Variants in RARB observed in about 807,000 individuals in gnomAD.
RARB encodes retinoic acid receptor beta.
In RARB, 17 loss-of-function variants were observed where a neutral mutation model predicts 51.9. The ratio of observed to expected loss-of-function variants is 0.33; its 90% CI spans 0.22 to 0.49. The LOEUF is 0.49. Among genes scored for constraint, RARB ranks in the 20% least tolerant of loss-of-function variants. RARB has a pLI of 0.99. For missense variants in RARB, 369 were observed against 550.8 expected (o/e 0.67, Z 3.30); for synonymous variants, 215 against 195.4 (o/e 1.10, Z -0.84).
intron 2 of RARB, among the ~76,000 whole-genome samples, chr3:24,906,727 C>A (rs1300722571): frequency 6.6e-6 from 1 of 151,502 alleles, no homozygotes; most frequent in Non-Finnish European, 1.5e-5. Flanking sequence ...TGCCTGCAAT[C>A]CCACCTACTT....
intron 5 of RARB, among the ~76,000 whole-genome samples, chr3:25,318,940 T>C (rs1252352638): frequency 6.6e-6 from 1 of 152,226 alleles, no homozygotes; most frequent in Non-Finnish European, 1.5e-5. Context: ...CCAGCATAGA[T>C]AGTAACTCAT....
At chr3:24,901,400 ATATATT>A (rs1386036556) in intron 2 of RARB, among the ~76,000 whole-genome samples, 2 of 152,186 alleles carry the variant, frequency 1.3e-5, no homozygotes, top group Non-Finnish European at 2.9e-5. Context: ...GATTTCATCT[ATATATT>A]TATATTTTTT....
At chr3:24,869,456 C>A (rs1400631038) in intron 2 of RARB, among the ~76,000 whole-genome samples, 1 of 151,996 alleles carries the variant, frequency 6.6e-6, no homozygotes. Context: ...ATAATTATAA[C>A]AAGCTTGATG....
intron 2 of RARB, among the ~76,000 whole-genome samples, chr3:24,877,012 C>G (rs1277342423): frequency 3.9e-5 from 6 of 152,060 alleles, no homozygotes; most frequent in African/African-American, 1.2e-4. Context: ...GCTAATAGTA[C>G]AAATTGAAAT....
intron 5 of RARB, among the ~76,000 whole-genome samples, chr3:25,367,867 A>G (rs978875163): frequency 3.3e-5 from 5 of 151,864 alleles, no homozygotes; most frequent in African/African-American, 1.2e-4. Flanking sequence ...TCAATTTCAT[A>G]GGAGAATTTC....
In RARB at chr3:24,912,972, A is replaced by ATTTTTTTTTTTT. The variant is rs71622787; in HGVS notation, c.-380+54222_-380+54223insTTTTTTTTTTTT. Among the ~76,000 whole-genome samples, 42 of 57,640 alleles carry ATTTTTTTTTTTT rather than the reference A, an allele frequency of 7.3e-4. 2 individuals are homozygous for ATTTTTTTTTTTT. The highest frequency in any genetic ancestry group is 5.5e-3 in the Admixed American group (21 of 3,834). The allele number at this position is 57,640 out of a possible 152,430, so 37.8% of individuals were successfully genotyped here. On this transcript the variant is annotated intron_variant, in intron 2 of 11. Coordinates refer to the RARB transcript ENST00000383772. ...GTGGCAATACGCACACAAGGTACTG[A>ATTTTTTTTTTTT]TTCTTTTTTTTTTTTTTTTTTTTTT...
At chr3:25,431,960 A>G (rs1708226914) in intron 1 of RARB, among the ~76,000 whole-genome samples, 1 of 152,158 alleles carries the variant, frequency 6.6e-6, no homozygotes. Flanking sequence ...AAGAAAGACT[A>G]AATAAAGACT....
chr3:25,573,675 G>A (rs1355475160), intron 4 of RARB, among the ~76,000 whole-genome samples: 1 of 152,210 alleles, frequency 6.6e-6, no homozygotes, highest in Non-Finnish European at 1.5e-5. Flanking sequence ...TTAGTTCGGA[G>A]TTGAGCATTT....
chr3:25,397,935 C>G (rs1020717268), intron 5 of RARB, among the ~76,000 whole-genome samples: 3 of 151,392 alleles, frequency 2.0e-5, no homozygotes, highest in Non-Finnish European at 4.4e-5. Flanking sequence ...TCTATATATT[C>G]TTAACTGGTT....
At chr3:25,200,384 C>G (rs1054685805) in intron 5 of RARB, among the ~76,000 whole-genome samples, 1 of 151,844 alleles carries the variant, frequency 6.6e-6, no homozygotes, top group Non-Finnish European at 1.5e-5. Context: ...TTCTCCCATT[C>G]TGTAGGTTGC....
chr3:25,518,382 C>G (rs59322260), intron 3 of RARB, among the ~76,000 whole-genome samples: 6,060 of 152,062 alleles, frequency 0.04, 424 homozygotes, highest in African/African-American at 0.14. Context: ...TTTCTAGATA[C>G]TGATGTTTGA....
At chr3:25,331,121 C>A (rs1704881518) in intron 5 of RARB, among the ~76,000 whole-genome samples, 1 of 152,126 alleles carries the variant, frequency 6.6e-6, no homozygotes, top group African/African-American at 2.4e-5. Context: ...ATCAGCGAGA[C>A]AGAAAGTTAA....
At chr3:25,433,436 T>C (rs1708289289) in intron 1 of RARB, among the ~76,000 whole-genome samples, 1 of 152,232 alleles carries the variant, frequency 6.6e-6, no homozygotes, top group Admixed American at 6.5e-5. Context: ...TAGCAAACTA[T>C]AGATCTGTGA....
chr3:24,998,006 G>C (rs568972591), intron 2 of RARB, among the ~76,000 whole-genome samples: 1 of 151,712 alleles, frequency 6.6e-6, no homozygotes, highest in African/African-American at 2.4e-5. Context: ...TTTTAACCTC[G>C]CAGTATACTT....
intron 3 of RARB, among the ~76,000 whole-genome samples, chr3:25,063,716 T>TCA (rs1698598380): frequency 6.6e-6 from 1 of 151,486 alleles, no homozygotes; most frequent in Non-Finnish European, 1.5e-5. Flanking sequence ...GACTTTTTTT[T>TCA]TTTTTTTTTA....
At chr3:25,515,974 T>C (rs1335241229) in intron 3 of RARB, among the ~76,000 whole-genome samples, 3 of 152,252 alleles carry the variant, frequency 2.0e-5, no homozygotes, top group African/African-American at 4.8e-5. Context: ...AGAAGAATCT[T>C]CCTTCCTGTT....
chr3:25,259,877 C>G (rs1346038573), intron 5 of RARB: 15 of 979,538 alleles, frequency 1.5e-5, no homozygotes, highest in Admixed American at 6.2e-5. Context: ...GAGATTTGAG[C>G]TTCTTTCCTG....
In RARB at chr3:25,204,152, T is replaced by C. The variant is rs180929277; in HGVS notation, c.178+29577T>C. ...TCTTTTTACTCTTTTTTCTCTAACT[T>C]CTCTTCTTGCTTCATTTCATTAATT... On this transcript the variant is annotated intron_variant, in intron 5 of 11. Transcript: ENST00000383772. Among the ~76,000 whole-genome samples the C allele has an allele frequency of 4.0e-3, 604 of 152,298 alleles. 10 individuals carry two copies. The highest frequency in any genetic ancestry group is 0.03 in the East Asian group (154 of 5,178).
At chr3:24,896,814 A>G (rs1703489500) in intron 2 of RARB, among the ~76,000 whole-genome samples, 1 of 152,226 alleles carries the variant, frequency 6.6e-6, no homozygotes, top group South Asian at 2.1e-4. Context: ...ATAGTCTCCT[A>G]CAATGGAAAA....
Sources: allele counts gnomAD v4.1 joint callset (sites outside exome capture counted in the v4.1 genomes callset), GRCh38; gene constraint gnomAD v4.1.1; transcripts MANE v1.5; gene names NCBI Gene and HGNC (gene_info 2026-07-23, HGNC 2026-07-21).